The following KIF26A variants were observed in gnomAD, a reference collection of about 807,000 sequenced individuals.
The protein encoded by KIF26A is kinesin family member 26A.
Under a neutral mutation model 126.0 loss-of-function variants are expected in KIF26A, and 74 were observed. The observed-to-expected ratio is 0.59, with a 90% CI of 0.49 to 0.71. The LOEUF is 0.71. Among genes scored for constraint, KIF26A ranks in the 30% least tolerant of loss-of-function variants. The probability of loss-of-function intolerance (pLI) is 0.00; values close to 1 mark genes in which losing one functional copy is unlikely to be tolerated. For synonymous variants in KIF26A, 1,445 were observed against 1,232.7 expected, an observed-to-expected ratio of 1.17 and a Z score of -3.61; for missense variants, 2,984 against 2,763.3, an observed-to-expected ratio of 1.08 and a Z score of -1.79.
At chr14:104,143,115 G>A (rs1002915065) in intron 2 of KIF26A, among the ~76,000 whole-genome samples, 40 of 152,334 alleles carry the variant, frequency 2.6e-4, no homozygotes, top group African/African-American at 9.1e-4. Flanking sequence ...TATCGCCCCC[G>A]ATGGGGAAAA....
intron 2 of KIF26A, among the ~76,000 whole-genome samples, chr14:104,142,316 C>T (rs140616559): frequency 2.6e-4 from 40 of 151,510 alleles, no homozygotes; most frequent in Non-Finnish European, 5.0e-4. Flanking sequence ...GGACTCTGGC[C>T]GTGGCTCCTG....
Position 104,171,835 on chromosome 14 carries a change from C to T in KIF26A, c.1226C>T (p.Ala409Val). The T allele has an allele frequency of 6.4e-7, 1 of 1,556,782 alleles. No homozygotes were observed. The highest frequency in any genetic ancestry group is 8.7e-7 in the Non-Finnish European group (1 of 1,151,292). Residue 409 changes from alanine (A) to valine (V), a missense_variant, in exon 6 of 15, where the codon GCC becomes GTC. By Grantham distance (64) the Ala-to-Val change is moderately conservative (BLOSUM62 0). Coordinates refer to ENST00000423312, the MANE Select transcript of KIF26A (RefSeq NM_015656.2). ...AAGCAGGTGATCCTCTACGATCCCGCCGCCGGTCCCCCAGGCAGCGCAGGC... is the reference window on the plus strand; with the variant it reads ...AAGCAGGTGATCCTCTACGATCCCGTCGCCGGTCCCCCAGGCAGCGCAGGC... ...RKKQVILYDP[A>V]AGPPGSAGPR...
chr14:104,139,049 G>A lies in KIF26A; in HGVS notation c.49G>A (p.Glu17Lys). The change falls in exon 2 of 15, where the codon GAG becomes AAG. Residue 17 changes from glutamate to lysine, a missense_variant. Physicochemically the swap from Glu to Lys is moderately conservative, Grantham distance 56. Transcript: ENST00000423312. ...PLCAAQPAVA[E>K]GGPAREPPPL... ...CCGCCCCCACACCCTGCAGGTGGCCGAGGGCGGCCCGGCCCGCGAGCCGCC... is the reference window on the plus strand; with the variant it reads ...CCGCCCCCACACCCTGCAGGTGGCCAAGGGCGGCCCGGCCCGCGAGCCGCC... The A allele has an allele frequency of 7.3e-7, 1 of 1,367,530 alleles. No homozygotes were observed. The highest frequency in any genetic ancestry group is 9.4e-7 in the Non-Finnish European group (1 of 1,068,866). The allele number at this position is 1,367,530 out of a possible 1,614,324, so 84.7% of individuals were successfully genotyped here. A position where few individuals can be genotyped will look rare whatever the true frequency, so the allele number is the denominator to read the frequency against.
rs202197284 is a variant in KIF26A, at chr14:104,173,332, C to T, written c.1686C>T (p.Leu562=). 4.4e-6 allele frequency: 7 copies of T among 1,607,774 alleles called. No homozygotes were observed. The Middle Eastern group carries it at 1.2e-3, about 266-fold the overall frequency. The part of the protein sequence containing the change: ...LREDPVCGAQ[L]QNQSELRAPT... The stretch of plus-strand genomic sequence containing the variant: ...CGCTGCCTCTGCCTTTCCTGCAGCT[C>T]CAGAACCAAAGCGAGCTGCGGGCAC... The change falls in exon 9 of 15, where the codon CTC becomes CTT. Residue 562 remains leucine (L), a splice_region_variant and synonymous_variant. Transcript: ENST00000423312.
At chr14:104,171,972 C>A (rs1426681477) in intron 6 of KIF26A, 37 bp downstream of exon 6, 3 of 1,526,780 alleles carry the variant, frequency 2.0e-6, no homozygotes, top group Non-Finnish European at 2.7e-6. Flanking sequence ...CCCGGAGACC[C>A]GGAGCCGGGC....
intron 4 of KIF26A, among the ~76,000 whole-genome samples, chr14:104,165,545 G>A (rs111206894): frequency 7.9e-5 from 11 of 138,584 alleles, no homozygotes; most frequent in African/African-American, 2.3e-4. Flanking sequence ...GTGTCTATGC[G>A]TGTGTGTGTG....
rs1257923665 is a variant in KIF26A, at chr14:104,175,013, C to A, written c.2225C>A (p.Ser742Tyr). The A allele has an allele frequency of 1.9e-6, 3 of 1,555,310 alleles. No individual in the cohort carries two copies. The highest frequency in any genetic ancestry group is 2.6e-6 in the Non-Finnish European group (3 of 1,154,268). Residue 742 changes from serine (S) to tyrosine (Y), a missense_variant, in exon 12 of 15, where the codon TCC becomes TAC. Physicochemically the swap from Ser to Tyr is moderately radical, Grantham distance 144. Transcript: ENST00000423312. ...TCCAGCTCCTCTGGCGGGGAGAGCTCCTGTGAGGAAGGCCGGGCCCGTCGG... is the reference window on the plus strand; with the variant it reads ...TCCAGCTCCTCTGGCGGGGAGAGCTACTGTGAGGAAGGCCGGGCCCGTCGG... ...YASSSSGGES[S>Y]CEEGRARRPP...
In KIF26A at chr14:104,171,709, C is replaced by A; in HGVS notation, c.1114-14C>A. The stretch of plus-strand genomic sequence containing the variant: ...CGGAGGCAGCTTCTCAGGTGCCGCC[C>A]ACCTCTGCCCCAGGTGAAGGTTATG... On this transcript the variant is annotated splice_polypyrimidine_tract_variant and intron_variant, in intron 5 of 14. Transcript: ENST00000423312. 1 of 1,550,002 alleles carries A rather than the reference C, an allele frequency of 6.5e-7. No homozygotes were observed. Among genetic ancestry groups the A allele is most frequent in the East Asian group, 2.4e-5 (1 of 41,558 alleles).
chr14:104,160,440 G>A (rs2037822813), intron 4 of KIF26A, among the ~76,000 whole-genome samples: 1 of 152,160 alleles, frequency 6.6e-6, no homozygotes, highest in Non-Finnish European at 1.5e-5. Context: ...GGGTGCCCGG[G>A]TACCCGAGTT....
Position 104,139,138 on chromosome 14 carries a change from C to T in KIF26A, c.138C>T (p.Gly46=). Residue 46 remains glycine, a synonymous_variant, in exon 2 of 15, where the codon GGC becomes GGT. Transcript: ENST00000423312. ...CCGGGCCCGACCAGGACCCATGCGG[C>T]AGCCGCCCTGCTCCCGAAGGCGCCG... The part of the protein sequence containing the change: ...LPAGPDQDPC[G]SRPAPEGAGA... The T allele has an allele frequency of 6.6e-7, 1 of 1,511,650 alleles. No homozygotes were observed. The highest frequency in any genetic ancestry group is 8.8e-7 in the Non-Finnish European group (1 of 1,130,442). The allele number at this position is 1,511,650 out of a possible 1,614,324, so 93.6% of individuals were successfully genotyped here. A position where few individuals can be genotyped will look rare whatever the true frequency, so the allele number is the denominator to read the frequency against.
chr14:104,147,717 C>A (rs931108071), intron 2 of KIF26A, among the ~76,000 whole-genome samples: 1 of 152,226 alleles, frequency 6.6e-6, no homozygotes, highest in African/African-American at 2.4e-5. Context: ...GTTGTCAGCT[C>A]CGGAAACAGC....
At chr14:104,160,635 C>T (rs1468384957) in intron 4 of KIF26A, among the ~76,000 whole-genome samples, 2 of 152,130 alleles carry the variant, frequency 1.3e-5, no homozygotes, top group Admixed American at 1.3e-4. Flanking sequence ...GTTAGGAGTT[C>T]TCCGAAGGCT....
At chr14:104,141,307 T>A (rs546475079) in intron 2 of KIF26A, among the ~76,000 whole-genome samples, 1 of 152,318 alleles carries the variant, frequency 6.6e-6, no homozygotes, top group South Asian at 2.1e-4. Flanking sequence ...TTAGGGTTGG[T>A]GTTCTAGGAT....
At position 104,177,431 on chromosome 14, in the gene KIF26A, C is replaced by A; in HGVS notation, c.4643C>A (p.Ala1548Asp). ...PRAGPSVGAK[A>D]GRGTVMGTKQ... ...GCCGGGCCCAGTGTCGGGGCGAAGG[C>A]TGGCCGGGGTACCGTCATGGGCACA... Residue 1548 changes from alanine to aspartate, a missense_variant, in exon 12 of 15, where the codon GCT (alanine) becomes GAT (aspartate). Transcript: ENST00000423312. The A allele has an allele frequency of 6.6e-7, 1 of 1,516,806 alleles. No individual in the cohort carries two copies. The highest frequency in any genetic ancestry group is 8.8e-7 in the Non-Finnish European group (1 of 1,136,186). The allele number at this position is 1,516,806 out of a possible 1,614,324, so 94.0% of individuals were successfully genotyped here.
chr14:104,147,511 G>T (rs1288717902), intron 2 of KIF26A, among the ~76,000 whole-genome samples: 1 of 152,204 alleles, frequency 6.6e-6, no homozygotes, highest in African/African-American at 2.4e-5. Context: ...ACCAGGGAGG[G>T]TCTGGGCCTT....
At chr14:104,164,714 AGT>A (rs1172434583) in intron 4 of KIF26A, among the ~76,000 whole-genome samples, 1 of 143,984 alleles carries the variant, frequency 6.9e-6, no homozygotes, top group African/African-American at 2.5e-5. Context: ...TATGTGTGTG[AGT>A]GTGTGTGCGT....
chr14:104,160,758 A>C (rs1032028532), intron 4 of KIF26A, among the ~76,000 whole-genome samples: 1 of 152,138 alleles, frequency 6.6e-6, no homozygotes, highest in Non-Finnish European at 1.5e-5. Context: ...GCCTCCTCTG[A>C]GGTACTTCCG....
chr14:104,164,254 G>C lies in KIF26A; in HGVS notation c.924-2605G>C, dbSNP rs368315319. Among the ~76,000 whole-genome samples the C allele has an allele frequency of 5.3e-5, 8 of 152,248 alleles. No individual in the cohort carries two copies. The South Asian group carries it at 8.3e-4, about 16-fold the overall frequency. ...AGACGTGAGAGGCCGAGGGCTGTGGGGGGGGCGTGGGGCATGTTAGGGGAC... is the reference window on the plus strand; with the variant it reads ...AGACGTGAGAGGCCGAGGGCTGTGGCGGGGGCGTGGGGCATGTTAGGGGAC... On this transcript the variant is annotated intron_variant, in intron 4 of 14. Transcript: ENST00000423312.
At chr14:104,171,665 T>G in intron 5 of KIF26A, 58 bp from the exon 6 acceptor site, 4 of 1,439,086 alleles carry the variant, frequency 2.8e-6, no homozygotes, top group African/African-American at 1.4e-5. Context: ...TCCTGCCCTG[T>G]AATTAGTGGC....
Sources: allele counts gnomAD v4.1 joint callset (sites outside exome capture counted in the v4.1 genomes callset), GRCh38; gene constraint gnomAD v4.1.1; transcripts MANE v1.5; gene names NCBI Gene and HGNC (gene_info 2026-07-23, HGNC 2026-07-21).